RABGAP1L: variants seen among roughly 807,000 people sequenced by gnomAD.
RABGAP1L encodes RAB GTPase activating protein 1 like.
In RABGAP1L, 63 loss-of-function variants were observed where a neutral mutation model predicts 137.7. That is an observed-to-expected ratio of 0.46 (90% CI 0.37 to 0.56). The LOEUF is 0.56. Ranked by LOEUF, RABGAP1L falls within the 20% of genes least tolerant of loss-of-function variation. The pLI is 0.00. For synonymous variants in RABGAP1L, 431 were observed against 433.7 expected (o/e 0.99, Z 0.08); for missense variants, 1,095 against 1,244.0 (o/e 0.88, Z 1.80).
intron 13 of RABGAP1L, among the ~76,000 whole-genome samples, chr1:174,501,307 G>A (rs929841872): frequency 2.0e-5 from 3 of 150,758 alleles, no homozygotes; most frequent in Admixed American, 6.7e-5. Flanking sequence ...TCTGCCTCCC[G>A]GGTTCAAGCG....
In RABGAP1L at chr1:174,241,539, T is replaced by A; in HGVS notation, c.599T>A (p.Leu200Ter). The A allele has an allele frequency of 6.2e-7, 1 of 1,613,236 alleles. No individual in the cohort carries two copies. Among genetic ancestry groups the A allele is most frequent in the Non-Finnish European group, 8.5e-7 (1 of 1,179,256 alleles). Residue 200 changes from leucine to a stop codon, truncating the protein, a stop_gained, in exon 5 of 26, where the codon TTA becomes TAA. Transcript: ENST00000681986. LOFTEE classifies it high-confidence loss of function. Reference sequence around the variant, plus strand: ...GCATCTTTTCCAATCTATAAGGTGTTATTCTGTGCACGTGGACATGACGGA... The same window carrying A: ...GCATCTTTTCCAATCTATAAGGTGTAATTCTGTGCACGTGGACATGACGGA... ...EIASFPIYKV[L>*]FCARGHDGTT...
chr1:174,201,872 A>G (rs1021318341), intron 1 of RABGAP1L, among the ~76,000 whole-genome samples: 9 of 140,680 alleles, frequency 6.4e-5, no homozygotes, highest in Admixed American at 3.9e-4. Context: ...TCATTGTTCA[A>G]TTCCCACCTA....
intron 17 of RABGAP1L, among the ~76,000 whole-genome samples, chr1:174,748,648 G>A (rs554824141): frequency 5.3e-5 from 8 of 151,452 alleles, no homozygotes; most frequent in African/African-American, 1.9e-4. Context: ...AGGCAGGAGG[G>A]TTGCTTGAGG....
intron 19 of RABGAP1L, among the ~76,000 whole-genome samples, chr1:174,920,302 T>C (rs1558233588): frequency 1.3e-5 from 2 of 152,200 alleles, no homozygotes. Context: ...GAGCAAGTCA[T>C]GTCTTACATG....
intron 13 of RABGAP1L, among the ~76,000 whole-genome samples, chr1:174,475,326 G>A (rs1042988381): frequency 1.1e-4 from 16 of 151,992 alleles, no homozygotes; most frequent in Non-Finnish European, 2.2e-4. Context: ...TTTAACATAC[G>A]TTGAATGATT....
At chr1:174,318,561 T>C (rs1281418172) in intron 11 of RABGAP1L, among the ~76,000 whole-genome samples, 1 of 151,532 alleles carries the variant, frequency 6.6e-6, no homozygotes, top group Non-Finnish European at 1.5e-5. Flanking sequence ...AAAGACTTTT[T>C]ACTGCCATTT....
At chr1:174,333,259 G>T (rs1449509937) in intron 11 of RABGAP1L, among the ~76,000 whole-genome samples, 1 of 152,144 alleles carries the variant, frequency 6.6e-6, no homozygotes, top group African/African-American at 2.4e-5. Flanking sequence ...TTTTACAGTG[G>T]GGTGACTGTA....
intron 13 of RABGAP1L, chr1:174,449,233 GTGGTTT>G (rs754981258): frequency 3.6e-4 from 540 of 1,511,314 alleles, no homozygotes; most frequent in Non-Finnish European, 4.4e-4. Flanking sequence ...TAATCTGACA[GTGGTTT>G]TGGATCATAT....
Position 174,752,321 on chromosome 1 carries a change from C to G in RABGAP1L, c.2178C>G (p.Asn726Lys). Residue 726 changes from asparagine to lysine, a missense_variant, in exon 18 of 26, where the codon AAC becomes AAG. Around this residue, in one of 4 missense-constraint regions of RABGAP1L, gnomAD observed 312 missense variants for 435.6 expected, o/e 0.72. Transcript: ENST00000681986. Reference protein sequence around the residue: ...IIDLLLCEGLNIIFHVALALL... With the variant: ...IIDLLLCEGLKIIFHVALALL... The stretch of plus-strand genomic sequence containing the variant: ...TTCTTTTTCTATTTCAGGGTTTGAA[C>G]ATAATCTTTCATGTAGCTTTGGCTC... 1 of 1,586,020 alleles carries G rather than the reference C, an allele frequency of 6.3e-7. No homozygotes were observed. Among genetic ancestry groups the G allele is most frequent in the South Asian group, 1.1e-5 (1 of 87,294 alleles).
At chr1:174,196,774 A>G (rs1667724525) in intron 1 of RABGAP1L, among the ~76,000 whole-genome samples, 1 of 152,032 alleles carries the variant, frequency 6.6e-6, no homozygotes, top group African/African-American at 2.4e-5. Flanking sequence ...GTTTTCCTGT[A>G]TCTTATAGTA....
chr1:174,915,894 T>C lies in RABGAP1L; in HGVS notation c.2341-41563T>C, dbSNP rs74543558. On this transcript the variant is annotated intron_variant, in intron 19 of 25. Coordinates refer to ENST00000681986, the MANE Select transcript of RABGAP1L (RefSeq NM_001366446.1). Reference sequence around the variant, plus strand: ...TCTGTGGCTTTTTAAAAATTAATGGTGTGTTTTGAAAAGCAAAGGTTTTAA... The same window carrying C: ...TCTGTGGCTTTTTAAAAATTAATGGCGTGTTTTGAAAAGCAAAGGTTTTAA... Among the ~76,000 whole-genome samples the C allele has an allele frequency of 8.7e-4, 133 of 152,256 alleles. No homozygotes were observed. The East Asian group carries it at 0.018, about 21-fold the overall frequency.
chr1:174,817,077 A>T (rs1477117672), intron 19 of RABGAP1L, among the ~76,000 whole-genome samples: 1 of 152,058 alleles, frequency 6.6e-6, no homozygotes, highest in Non-Finnish European at 1.5e-5. Context: ...TTTTATTTGG[A>T]ATAATGTTCC....
At chr1:174,774,493 A>T (rs1686369820) in intron 18 of RABGAP1L, among the ~76,000 whole-genome samples, 1 of 152,184 alleles carries the variant, frequency 6.6e-6, no homozygotes, top group Middle Eastern at 3.2e-3. Flanking sequence ...TGATCACACC[A>T]TTGCACTCCA....
At chr1:174,696,916 G>A (rs1161868168) in intron 15 of RABGAP1L, among the ~76,000 whole-genome samples, 1 of 152,196 alleles carries the variant, frequency 6.6e-6, no homozygotes, top group Non-Finnish European at 1.5e-5. Context: ...GAGGGAGGAT[G>A]ATTGCTGAAG....
rs33999378 is a variant in RABGAP1L at position 174,749,302 on chromosome 1, C to CT, written c.2170-3000dup. Reference sequence around the variant, plus strand: ...TCATAGGTGGATTCAAAAATGTTATCTTTTTTTTTTTCTGTTCTTTTCTTT... The same window carrying CT: ...TCATAGGTGGATTCAAAAATGTTATCTTTTTTTTTTTTCTGTTCTTTTCTTT... On this transcript the variant is annotated intron_variant, in intron 17 of 25. Transcript: ENST00000681986. Among the ~76,000 whole-genome samples the CT allele has an allele frequency of 4.4e-3, 644 of 147,124 alleles. 7 individuals are homozygous for CT. The highest frequency in any genetic ancestry group is 0.014 in the African/African-American group (563 of 40,438).
chr1:174,552,919 T>G (rs1253404573), intron 13 of RABGAP1L, among the ~76,000 whole-genome samples: 2 of 152,240 alleles, frequency 1.3e-5, no homozygotes, highest in Non-Finnish European at 2.9e-5. Flanking sequence ...ACAGCCATTC[T>G]GACTGGTGTG....
chr1:174,889,402 G>A (rs1655736373), intron 19 of RABGAP1L, among the ~76,000 whole-genome samples: 2 of 152,064 alleles, frequency 1.3e-5, no homozygotes, highest in South Asian at 2.1e-4. Flanking sequence ...GATTACAGGC[G>A]TGAGCCACCG....
intron 19 of RABGAP1L, among the ~76,000 whole-genome samples, chr1:174,863,886 A>G (rs902436010): frequency 3.3e-5 from 5 of 151,952 alleles, no homozygotes; most frequent in Non-Finnish European, 4.4e-5. Flanking sequence ...AGGCTGAGGC[A>G]GGAGAATTGC....
At chr1:174,666,523 G>A (rs1293838577) in intron 14 of RABGAP1L, among the ~76,000 whole-genome samples, 3 of 152,198 alleles carry the variant, frequency 2.0e-5, no homozygotes, top group Non-Finnish European at 2.9e-5. Context: ...AAATATGTCA[G>A]TATGTTAGCA....
Sources: gnomAD v4.1 joint callset for allele counts (sites outside exome capture counted in the v4.1 genomes callset) on GRCh38, gnomAD v4.1.1 for gene constraint, gnomAD v4.1.1 regional missense constraint, MANE v1.5 for transcripts, NCBI Gene and HGNC (gene_info 2026-07-23, HGNC 2026-07-21) for gene names.